Variants in PARD3B observed in about 807,000 individuals in gnomAD.
The protein encoded by PARD3B is partitioning defective 3 homolog B.
In PARD3B, 103 loss-of-function variants were observed where a neutral mutation model predicts 130.2. The observed-to-expected ratio is 0.79, with a 90% CI of 0.67 to 0.93. PARD3B has a LOEUF of 0.93. Ranked by LOEUF, PARD3B falls within the 40% of genes least tolerant of loss-of-function variation. The pLI is 0.00. For synonymous variants in PARD3B, 583 were observed against 553.2 expected (o/e 1.05, Z -0.76); for missense variants, 1,609 against 1,499.2 (o/e 1.07, Z -1.21).
intron 2 of PARD3B, among the ~76,000 whole-genome samples, chr2:204,772,725 A>G (rs1472476700): frequency 6.6e-6 from 1 of 152,180 alleles, no homozygotes; most frequent in Non-Finnish European, 1.5e-5. Flanking sequence ...GAGTTTTGTA[A>G]AAGATGTGAA....
chr2:204,845,983 C>G (rs1181085219), intron 2 of PARD3B, among the ~76,000 whole-genome samples: 1 of 151,928 alleles, frequency 6.6e-6, no homozygotes, highest in Non-Finnish European at 1.5e-5. Context: ...GAAAGAATAT[C>G]TGCAGATTGG....
intron 20 of PARD3B, among the ~76,000 whole-genome samples, chr2:205,474,322 C>A (rs558551329): frequency 6.6e-6 from 1 of 151,980 alleles, no homozygotes; most frequent in East Asian, 1.9e-4. Flanking sequence ...TATTTTCATC[C>A]AGTGTTTCTT....
At chr2:205,363,456 A>C (rs1357251159) in intron 18 of PARD3B, among the ~76,000 whole-genome samples, 2 of 152,222 alleles carry the variant, frequency 1.3e-5, no homozygotes, top group African/African-American at 2.4e-5. Flanking sequence ...AGACATACGA[A>C]GCATTTAGTA....
At chr2:204,662,264 G>T (rs923729333) in intron 1 of PARD3B, among the ~76,000 whole-genome samples, 1 of 152,130 alleles carries the variant, frequency 6.6e-6, no homozygotes, top group Non-Finnish European at 1.5e-5. Flanking sequence ...TATCAGAAAG[G>T]TTCTTCAGTA....
intron 16 of PARD3B, among the ~76,000 whole-genome samples, chr2:205,282,530 C>G (rs541115138): frequency 7.6e-6 from 1 of 132,168 alleles, no homozygotes; most frequent in Admixed American, 7.5e-5. Flanking sequence ...TGTACACACA[C>G]ACATATATAT....
chr2:205,482,921 C>A (rs2049299418), intron 20 of PARD3B, among the ~76,000 whole-genome samples: 1 of 152,098 alleles, frequency 6.6e-6, no homozygotes, highest in African/African-American at 2.4e-5. Context: ...CCCTCCACCC[C>A]TTTCTTCAGA....
intron 21 of PARD3B, among the ~76,000 whole-genome samples, chr2:205,519,705 T>G (rs1202597452): frequency 6.6e-6 from 1 of 152,234 alleles, no homozygotes; most frequent in African/African-American, 2.4e-5. Context: ...TATCTTTACA[T>G]GTGGGTGTTC....
chr2:204,666,237 T>G (rs913906690), intron 1 of PARD3B, among the ~76,000 whole-genome samples: 2 of 152,128 alleles, frequency 1.3e-5, no homozygotes, highest in African/African-American at 4.8e-5. Flanking sequence ...AATCAAAATG[T>G]GAACAAGGTA....
intron 1 of PARD3B, among the ~76,000 whole-genome samples, chr2:204,563,005 C>T (rs2031418626): frequency 6.6e-6 from 1 of 152,114 alleles, no homozygotes; most frequent in Non-Finnish European, 1.5e-5. Flanking sequence ...GTACCACAAA[C>T]TGGGTGGTTT....
At chr2:205,242,591 T>C (rs2039398052) in intron 15 of PARD3B, among the ~76,000 whole-genome samples, 1 of 152,172 alleles carries the variant, frequency 6.6e-6, no homozygotes, top group African/African-American at 2.4e-5. Flanking sequence ...ACAATAACAA[T>C]GTAAAAGTAC....
At chr2:204,683,017 G>A (rs1361392512) in intron 1 of PARD3B, among the ~76,000 whole-genome samples, 1 of 152,090 alleles carries the variant, frequency 6.6e-6, no homozygotes, top group East Asian at 1.9e-4. Context: ...TCTTCTTCCT[G>A]TAATGCCTGT....
chr2:205,374,863 T>G (rs2044977665), intron 18 of PARD3B, among the ~76,000 whole-genome samples: 2 of 152,038 alleles, frequency 1.3e-5, no homozygotes, highest in African/African-American at 4.8e-5. Context: ...TCCTTCCAGT[T>G]TTTCAAAGGT....
At chr2:204,836,784 A>G (rs558196577) in intron 2 of PARD3B, among the ~76,000 whole-genome samples, 3 of 152,322 alleles carry the variant, frequency 2.0e-5, no homozygotes, top group Non-Finnish European at 4.4e-5. Flanking sequence ...GTATGAAGAC[A>G]TGAAGAAAAT....
chr2:205,110,235 A>T (rs933542425), intron 5 of PARD3B, among the ~76,000 whole-genome samples: 2 of 152,204 alleles, frequency 1.3e-5, no homozygotes, highest in Non-Finnish European at 2.9e-5. Flanking sequence ...AAGAAATGAG[A>T]CTTACAAACA....
rs1345329965 is a variant in PARD3B at position 205,397,635 on chromosome 2, G to C, written c.2631-3378G>C. 6.6e-6 allele frequency among the ~76,000 whole-genome samples: 1 copy of C among 152,016 alleles called. No homozygotes were observed. The highest frequency in any genetic ancestry group is 2.4e-5 in the African/African-American group (1 of 41,384). On this transcript the variant is annotated intron_variant, in intron 18 of 22. Transcript: ENST00000406610. This position sits in a 1 kb window ranked among gnomAD's most constrained non-coding sequence, Gnocchi z 4.8. ...AGAAATCCCAAAAGCTGCAAATATA[G>C]GAGAAATAATATGGGACATGGAAAA...
chr2:205,025,022 G>A (rs1696908162), intron 3 of PARD3B, among the ~76,000 whole-genome samples: 1 of 152,140 alleles, frequency 6.6e-6, no homozygotes, highest in Non-Finnish European at 1.5e-5. Flanking sequence ...TTTAGATGCA[G>A]AAGAAAGATT....
At chr2:204,933,101 G>A (rs1688148885) in intron 2 of PARD3B, among the ~76,000 whole-genome samples, 1 of 152,158 alleles carries the variant, frequency 6.6e-6, no homozygotes, top group South Asian at 2.1e-4. Flanking sequence ...TAAGGTGTCT[G>A]TAGGGACAGT....
chr2:205,014,644 C>T (rs921890622), intron 3 of PARD3B, among the ~76,000 whole-genome samples: 1 of 152,310 alleles, frequency 6.6e-6, no homozygotes, highest in Non-Finnish European at 1.5e-5. Flanking sequence ...ATTTATTGAG[C>T]ATCTCTTCTG....
intron 16 of PARD3B, among the ~76,000 whole-genome samples, chr2:205,257,771 T>C (rs181613540): frequency 6.6e-6 from 1 of 152,240 alleles, no homozygotes; most frequent in Admixed American, 6.5e-5. Context: ...ACACTAATTG[T>C]TGAGGTTTGA....
Sources: gnomAD v4.1 joint callset for allele counts (sites outside exome capture counted in the v4.1 genomes callset) on GRCh38, gnomAD v4.1.1 for gene constraint, Gnocchi (gnomAD v3.1) non-coding constraint, MANE v1.5 for transcripts, NCBI Gene and HGNC (gene_info 2026-07-23, HGNC 2026-07-21) for gene names.